SNX11: variants seen among roughly 807,000 people sequenced by gnomAD.
SNX11 encodes sorting nexin 11, also known as sorting nexin-11.
Under a neutral mutation model 30.7 loss-of-function variants are expected in SNX11, and 19 were observed. The observed-to-expected ratio is 0.62, with a 90% CI of 0.43 to 0.91. The LOEUF is 0.91. Ranked by LOEUF, SNX11 falls within the 40% of genes least tolerant of loss-of-function variation. SNX11 has a pLI of 0.00. For synonymous variants in SNX11, 112 were observed against 119.0 expected (o/e 0.94, Z 0.38); for missense variants, 302 against 326.7 (o/e 0.92, Z 0.58).
At chr17:48,109,605 T>C (rs921173791) in intron 1 of SNX11, among the ~76,000 whole-genome samples, 1 of 141,496 alleles carries the variant, frequency 7.1e-6, no homozygotes, top group Non-Finnish European at 1.5e-5. Flanking sequence ...GACAACGGAG[T>C]CTTGCACTGT....
chr17:48,118,670 C>G (rs1390913235), intron 4 of SNX11, 34 bp from the exon 5 acceptor site: 25 of 1,486,898 alleles, frequency 1.7e-5, no homozygotes, highest in Non-Finnish European at 2.3e-5. Flanking sequence ...AGATGTTACA[C>G]TTATCATGGG....
At position 48,112,014 on chromosome 17, in the gene SNX11, C is replaced by T; in HGVS notation, c.-13-17C>T. On this transcript the variant is annotated splice_polypyrimidine_tract_variant and intron_variant, in intron 1 of 6. Transcript: ENST00000359238. Reference sequence around the variant, plus strand: ...AGGCATACTAACCTTGATCCTGTATCCTCTGTCCCTCATCAGATGTTTCCT... The same window carrying T: ...AGGCATACTAACCTTGATCCTGTATTCTCTGTCCCTCATCAGATGTTTCCT... The T allele has an allele frequency of 6.2e-7, 1 of 1,601,740 alleles. No individual in the cohort carries two copies. Among genetic ancestry groups the T allele is most frequent in the Admixed American group, 1.7e-5 (1 of 59,978 alleles).
chr17:48,119,737 C>CCA (rs2063579709), intron 6 of SNX11, among the ~76,000 whole-genome samples: 4 of 152,062 alleles, frequency 2.6e-5, no homozygotes, highest in Non-Finnish European at 5.9e-5. Context: ...TTGGCATAAG[C>CCA]CTGGCCTAAT....
chr17:48,116,228 A>T (rs1298891077), intron 4 of SNX11, among the ~76,000 whole-genome samples: 1 of 152,174 alleles, frequency 6.6e-6, no homozygotes, highest in Non-Finnish European at 1.5e-5. Flanking sequence ...ACTGCACTCC[A>T]GCCTGGTGAC....
At position 48,121,392 on chromosome 17, in the gene SNX11, G is replaced by T. The variant is rs1472212292; in HGVS notation, c.697G>T (p.Asp233Tyr). 6.2e-7 allele frequency: 1 copy of T among 1,614,052 alleles called. No individual in the cohort carries two copies. Among genetic ancestry groups the T allele is most frequent in the African/African-American group, 1.3e-5 (1 of 74,918 alleles). ...LPPLSSPLCC[D>Y]FGRPKEGTST... ...ACCCCTCTCCTCACCATTATGCTGT[G>T]ATTTTGGAAGACCCAAAGAGGGAAC... Residue 233 changes from aspartate to tyrosine, a missense_variant, in exon 7 of 7, where the codon GAT (aspartate) becomes TAT (tyrosine). Asp to Tyr is a radical substitution (Grantham distance 160). Coordinates refer to ENST00000359238, the MANE Select transcript of SNX11 (RefSeq NM_013323.3).
intron 4 of SNX11, among the ~76,000 whole-genome samples, chr17:48,117,074 G>A (rs1192202597): frequency 6.6e-6 from 1 of 150,442 alleles, no homozygotes; most frequent in Non-Finnish European, 1.5e-5. Context: ...TTTTTTTTGA[G>A]ATGGAGTTTC....
chr17:48,122,116 G>A lies in SNX11; in HGVS notation c.*608G>A, dbSNP rs1459197232. The A allele has an allele frequency of 6.5e-6, 1 of 154,702 alleles. No homozygotes were observed. The highest frequency in any genetic ancestry group is 2.4e-5 in the African/African-American group (1 of 41,466). The allele number at this position is 154,702 out of a possible 1,614,324, so 9.6% of individuals were successfully genotyped here. On this transcript the variant is annotated 3_prime_UTR_variant, in exon 7 of 7. Transcript: ENST00000359238. ...TGTCCCGAGACCTTAGCCTGGCTGAGTGGAGCCTGAGACCTGCACAACAGC... is the reference window on the plus strand; with the variant it reads ...TGTCCCGAGACCTTAGCCTGGCTGAATGGAGCCTGAGACCTGCACAACAGC...
At chr17:48,108,940 G>T (rs2063462660) in intron 1 of SNX11, among the ~76,000 whole-genome samples, 1 of 152,106 alleles carries the variant, frequency 6.6e-6, no homozygotes, top group South Asian at 2.1e-4. Context: ...GTGTTTATTT[G>T]TTTGTTTTTT....
rs752462916 is a variant in SNX11, at chr17:48,121,731, G to A, written c.*223G>A. 1.3e-5 allele frequency: 7 copies of A among 554,770 alleles called. No individual in the cohort carries two copies. The South Asian group carries it at 1.4e-4, about 11-fold the overall frequency. 34.4% of individuals were successfully genotyped at this position (554,770 alleles called of 1,614,324 possible). ...TTGTAAGTTAAACATAAGACACAGG[G>A]GCTGTTGCTTTTGAACAGAACCCTA... is the stretch of plus-strand genomic sequence containing the variant. On this transcript the variant is annotated 3_prime_UTR_variant, in exon 7 of 7. Transcript: ENST00000359238.
chr17:48,121,514 G>T lies in SNX11; in HGVS notation c.*6G>T, dbSNP rs3744346. 309 of 1,612,380 alleles carry T rather than the reference G, an allele frequency of 1.9e-4. No homozygotes were observed. The highest frequency in any genetic ancestry group is 2.5e-4 in the Non-Finnish European group (291 of 1,179,816). On this transcript the variant is annotated 3_prime_UTR_variant, in exon 7 of 7. Coordinates refer to ENST00000359238, the MANE Select transcript of SNX11 (RefSeq NM_013323.3). ...AAACAGTTTTGGAAAAGTGAGCTCTGGGTTCTGCTCTGAGATGGTCAGAGA... is the reference window on the plus strand; with the variant it reads ...AAACAGTTTTGGAAAAGTGAGCTCTTGGTTCTGCTCTGAGATGGTCAGAGA...
At chr17:48,114,931 T>C (rs908836863) in intron 4 of SNX11, among the ~76,000 whole-genome samples, 2 of 151,836 alleles carry the variant, frequency 1.3e-5, no homozygotes, top group Non-Finnish European at 2.9e-5. Context: ...CCTCCCAAAG[T>C]GCTAGGATTA....
chr17:48,114,442 C>T (rs2063523344), intron 4 of SNX11, among the ~76,000 whole-genome samples: 1 of 150,758 alleles, frequency 6.6e-6, no homozygotes. Context: ...GCGTGAGGCA[C>T]CATGCCCAGG....
chr17:48,112,668 C>A lies in SNX11; in HGVS notation c.129+8C>A, dbSNP rs1291731204. ...TATAAGATATTCCTCCATGTGAGTA[C>A]ATCAAGCTTCTGTATTGGGGTCAGC... On this transcript the variant is annotated splice_region_variant and intron_variant, in intron 3 of 6. Transcript: ENST00000359238. 1 of 1,591,108 alleles carries A rather than the reference C, an allele frequency of 6.3e-7. No homozygotes were observed. The highest frequency in any genetic ancestry group is 8.6e-7 in the Non-Finnish European group (1 of 1,160,966).
Position 48,118,509 on chromosome 17 carries a change from C to T in SNX11, c.231-195C>T, listed in dbSNP as rs1266302261. Among the ~76,000 whole-genome samples the T allele has an allele frequency of 2.0e-5, 3 of 150,012 alleles. No individual in the cohort carries two copies. In the Admixed American group the frequency reaches 2.0e-4, roughly 10 times the overall value. ...CAGAGAACTGCTTGAACCCGGGAGG[C>T]AGACGTTGCAGTAAGCCGAGATTGT... On this transcript the variant is annotated intron_variant, in intron 4 of 6. Coordinates refer to ENST00000359238, the MANE Select transcript of SNX11 (RefSeq NM_013323.3).
Position 48,118,985 on chromosome 17 carries a change from G to A in SNX11, c.338G>A (p.Ser113Asn), listed in dbSNP as rs2063572759. 3 of 1,614,080 alleles carry A rather than the reference G, an allele frequency of 1.9e-6. No individual in the cohort carries two copies. The highest frequency in any genetic ancestry group is 2.5e-6 in the Non-Finnish European group (3 of 1,180,018). ...TGTGTTTTTCCCAGGGTCCTGCAGAGTGTGGTTCTCCTGTCAGACAGCCAG... is the reference window on the plus strand; with the variant it reads ...TGTGTTTTTCCCAGGGTCCTGCAGAATGTGGTTCTCCTGTCAGACAGCCAG... ...LQHFLEKVLQ[S>N]VVLLSDSQLH... The change falls in exon 6 of 7, where the codon AGT becomes AAT. Residue 113 changes from serine to asparagine, a missense_variant. By Grantham distance (46) the Ser-to-Asn change is conservative. Coordinates refer to ENST00000359238, the MANE Select transcript of SNX11 (RefSeq NM_013323.3).
rs1421135826 is a variant in SNX11 at position 48,112,596 on chromosome 17, A to G, written c.65A>G (p.Gln22Arg). 3 of 1,613,422 alleles carry G rather than the reference A, an allele frequency of 1.9e-6. No homozygotes were observed. In the East Asian group the frequency reaches 6.7e-5, roughly 36 times the overall value. Residue 22 changes from glutamine to arginine, a missense_variant, in exon 3 of 7, where the codon CAG (glutamine) becomes CGG (arginine). By Grantham distance (43) the Gln-to-Arg change is conservative. Coordinates refer to ENST00000359238, the MANE Select transcript of SNX11 (RefSeq NM_013323.3). ...EQEEVITVRV[Q>R]DPRVQNEGSW... is the part of the protein sequence containing the mutation. ...CAGGAGGTGATTACAGTGCGTGTTCAGGACCCCCGAGTGCAGAATGAGGGC... is the reference window on the plus strand; with the variant it reads ...CAGGAGGTGATTACAGTGCGTGTTCGGGACCCCCGAGTGCAGAATGAGGGC...
intron 4 of SNX11, among the ~76,000 whole-genome samples, chr17:48,117,597 G>A (rs572726149): frequency 1.3e-5 from 2 of 151,142 alleles, no homozygotes; most frequent in East Asian, 2.0e-4. Flanking sequence ...TCACCATGTC[G>A]CCCAAGCTGG....
In SNX11 at chr17:48,121,706, T is replaced by C; in HGVS notation, c.*198T>C. 3 of 591,472 alleles carry C rather than the reference T, an allele frequency of 5.1e-6. No individual in the cohort carries two copies. Among genetic ancestry groups the C allele is most frequent in the Admixed American group, 3.0e-5 (1 of 32,834 alleles). 36.6% of individuals were successfully genotyped at this position (591,472 alleles called of 1,614,324 possible). On this transcript the variant is annotated 3_prime_UTR_variant, in exon 7 of 7. Transcript: ENST00000359238. ...ATGGGAACAAATACTGTGCAGATGT[T>C]TGTAAGTTAAACATAAGACACAGGG...
Position 48,121,850 on chromosome 17 carries a change from G to A in SNX11, c.*342G>A, listed in dbSNP as rs1263690463. ...GACCAGTTTTGGGGACCCGTATGTG[G>A]CAAATTCTAAGCTGCCATATTGAAC... On this transcript the variant is annotated 3_prime_UTR_variant, in exon 7 of 7. Transcript: ENST00000359238. 3 of 234,156 alleles carry A rather than the reference G, an allele frequency of 1.3e-5. No homozygotes were observed. The highest frequency in any genetic ancestry group is 2.5e-5 in the Non-Finnish European group (3 of 118,930). The allele number at this position is 234,156 out of a possible 1,614,324, so 14.5% of individuals were successfully genotyped here.
Sources: allele counts gnomAD v4.1 joint callset (sites outside exome capture counted in the v4.1 genomes callset), GRCh38; gene constraint gnomAD v4.1.1; transcripts MANE v1.5; gene names NCBI Gene and HGNC (gene_info 2026-07-23, HGNC 2026-07-21).